STKLD1: variants seen among roughly 807,000 people sequenced by gnomAD.
The protein encoded by STKLD1 is serine/threonine kinase-like domain-containing protein STKLD1.
Under a neutral mutation model 80.4 loss-of-function variants are expected in STKLD1, and 79 were observed. The ratio of observed to expected loss-of-function variants is 0.98; its 90% CI spans 0.82 to 1.19. The LOEUF is 1.19. STKLD1 is among the 50% of genes most tolerant of loss of function. The pLI, the probability that STKLD1 is intolerant of heterozygous loss-of-function variation, is 0.00. For missense variants in STKLD1, 841 were observed against 856.0 expected (o/e 0.98, Z 0.22); for synonymous variants, 393 against 357.6 (o/e 1.10, Z -1.12).
chr9:133,380,335 G>A (rs1003999532), intron 2 of STKLD1, among the ~76,000 whole-genome samples: 7 of 150,092 alleles, frequency 4.7e-5, no homozygotes, highest in Non-Finnish European at 8.9e-5. Flanking sequence ...ATGAGCCACC[G>A]CGTCCGGCCT....
intron 16 of STKLD1, 99 bp downstream of exon 16, chr9:133,404,147 A>T: frequency 1.4e-6 from 2 of 1,401,952 alleles, no homozygotes; most frequent in South Asian, 3.0e-5. Context: ...AAAAAACAGA[A>T]GCAACAAATC....
intron 16 of STKLD1, among the ~76,000 whole-genome samples, chr9:133,404,329 G>GT (rs1838786033): frequency 6.6e-6 from 1 of 152,078 alleles, no homozygotes; most frequent in Admixed American, 6.6e-5. Flanking sequence ...CAGGCACACC[G>GT]TGACTGATCA....
intron 14 of STKLD1, 87 bp from the exon 15 acceptor site, chr9:133,403,613 G>A: frequency 1.3e-6 from 2 of 1,513,488 alleles, no homozygotes; most frequent in Non-Finnish European, 1.8e-6. Flanking sequence ...TCGTTAGCTG[G>A]AGGAAGGCAG....
rs367622176 is a variant in STKLD1 at position 133,397,167 on chromosome 9, C to T, written c.870C>T (p.Asp290=). The T allele has an allele frequency of 1.4e-5, 23 of 1,613,806 alleles. No homozygotes were observed. Among genetic ancestry groups the T allele is most frequent in the Middle Eastern group, 3.3e-4 (2 of 6,076 alleles). The change falls in exon 10 of 18, where the codon GAC becomes GAT. Residue 290 remains aspartate, a synonymous_variant. Coordinates refer to ENST00000371957, the MANE Select transcript of STKLD1 (RefSeq NM_153710.5). ...IDPSDRITIK[D]VVHITFLRGS... is the part of the protein sequence containing the mutation. ...GCCCTCTCTGCTCCTCTGCTAGGGA[C>T]GTGGTGCACATCACCTTCTTGAGAG...
Position 133,394,256 on chromosome 9 carries a change from A to G in STKLD1, c.584-35A>G. 1 of 1,453,860 alleles carries G rather than the reference A, an allele frequency of 6.9e-7. No individual in the cohort carries two copies. The highest frequency in any genetic ancestry group is 2.3e-5 in the East Asian group (1 of 44,142). 90.1% of individuals were successfully genotyped at this position (1,453,860 alleles called of 1,614,324 possible). A position where few individuals can be genotyped will look rare whatever the true frequency, so the allele number is the denominator to read the frequency against. ...TCAAGCCCCTGCCCCCAGGGAGCAA[A>G]GGACTCAGGGATCCCACCTTGCTTT... On this transcript the variant is annotated intron_variant, in intron 7 of 17. Transcript: ENST00000371957. The surrounding 1 kb of genome is among the most constrained non-coding windows in gnomAD (Gnocchi z 4.9).
At chr9:133,381,191 T>A (rs1588735905) in intron 2 of STKLD1, among the ~76,000 whole-genome samples, 1 of 134,192 alleles carries the variant, frequency 7.5e-6, no homozygotes, top group Admixed American at 8.7e-5. Context: ...CAGGCTGGAG[T>A]ACAGTGGTGT....
In STKLD1 at chr9:133,394,649, G is replaced by A. The variant is rs997657393; in HGVS notation, c.702+240G>A. 1.1e-4 allele frequency: 56 copies of A among 506,096 alleles called. No homozygotes were observed. The highest frequency in any genetic ancestry group is 3.2e-5 in the Non-Finnish European group (9 of 280,168). The allele number at this position is 506,096 out of a possible 1,614,324, so 31.4% of individuals were successfully genotyped here. A position where few individuals can be genotyped will look rare whatever the true frequency, so the allele number is the denominator to read the frequency against. On this transcript the variant is annotated intron_variant, in intron 8 of 17. Coordinates refer to ENST00000371957, the MANE Select transcript of STKLD1 (RefSeq NM_153710.5). This position sits in a 1 kb window ranked among gnomAD's most constrained non-coding sequence, Gnocchi z 4.9. ...AGTGGTAATATTCAGACCATCCCAC[G>A]CGACCCTCGCAGCAGCCCTCCAGGT...
chr9:133,380,624 G>A (rs143581395), intron 2 of STKLD1, among the ~76,000 whole-genome samples: 2,070 of 152,212 alleles, frequency 0.014, 62 homozygotes, highest in African/African-American at 0.047. Context: ...CTGCACTCCA[G>A]CCTGGGTGAC....
chr9:133,401,725 C>A lies in STKLD1; in HGVS notation c.1199-13C>A. On this transcript the variant is annotated splice_polypyrimidine_tract_variant and intron_variant, in intron 12 of 17. Coordinates refer to ENST00000371957, the MANE Select transcript of STKLD1 (RefSeq NM_153710.5). ...TGGGGCTAACCCCAGGCGTCTTCCT[C>A]TGGCTTGAGCAGCGCTGGTGCACCA... 2 of 1,609,334 alleles carry A rather than the reference C, an allele frequency of 1.2e-6. No individual in the cohort carries two copies. The highest frequency in any genetic ancestry group is 1.7e-6 in the Non-Finnish European group (2 of 1,178,964).
At chr9:133,395,864 G>T in intron 9 of STKLD1, 101 bp downstream of exon 9, 2 of 1,222,252 alleles carry the variant, frequency 1.6e-6, no homozygotes, top group Non-Finnish European at 1.2e-6. Flanking sequence ...ACGCCTCAAA[G>T]AACTCCATCA....
rs1838835667 is a variant in STKLD1, at chr9:133,405,513, A to C, written c.*92A>C. On this transcript the variant is annotated 3_prime_UTR_variant, in exon 18 of 18. Coordinates refer to ENST00000371957, the MANE Select transcript of STKLD1 (RefSeq NM_153710.5). Reference sequence around the variant, plus strand: ...ATTATCCCATCTCTATGACTGGGCCAAAATCAATCTTAAACGGGAGGGGTA... The same window carrying C: ...ATTATCCCATCTCTATGACTGGGCCCAAATCAATCTTAAACGGGAGGGGTA... The C allele has an allele frequency of 3.8e-6, 5 of 1,323,972 alleles. No individual in the cohort carries two copies. The Admixed American group carries it at 1.2e-4, about 33-fold the overall frequency. The allele number at this position is 1,323,972 out of a possible 1,614,324, so 82.0% of individuals were successfully genotyped here. A position where few individuals can be genotyped will look rare whatever the true frequency, so the allele number is the denominator to read the frequency against.
intron 7 of STKLD1, among the ~76,000 whole-genome samples, chr9:133,392,535 GTGGA>G (rs1283316756): frequency 7.5e-5 from 11 of 147,014 alleles, no homozygotes; most frequent in Non-Finnish European, 1.6e-4. Context: ...GGGTGGGTGA[GTGGA>G]TGGATGGATG....
Position 133,401,815 on chromosome 9 carries a change from C to T in STKLD1, c.1276C>T (p.His426Tyr). The change falls in exon 13 of 18, where the codon CAC becomes TAC. Residue 426 changes from histidine to tyrosine, a missense_variant. By Grantham distance (83) the His-to-Tyr change is moderately conservative. Coordinates refer to ENST00000371957, the MANE Select transcript of STKLD1 (RefSeq NM_153710.5). ...TSTLLSALQS[H>Y]PEEEPLLVMV... ...CACCCTGCTGAGTGCTCTTCAGAGC[C>T]ACCCCGAGGAGGAGCCACTTCTTGT... 6.2e-7 allele frequency: 1 copy of T among 1,613,718 alleles called. No individual in the cohort carries two copies. Among genetic ancestry groups the T allele is most frequent in the East Asian group, 2.2e-5 (1 of 44,872 alleles).
In STKLD1 at chr9:133,401,735, C is replaced by T. The variant is rs1482573096; in HGVS notation, c.1199-3C>T. On this transcript the variant is annotated splice_region_variant and splice_polypyrimidine_tract_variant and intron_variant, in intron 12 of 17. Transcript: ENST00000371957. Reference sequence around the variant, plus strand: ...CCCAGGCGTCTTCCTCTGGCTTGAGCAGCGCTGGTGCACCACCCGGAAGCC... The same window carrying T: ...CCCAGGCGTCTTCCTCTGGCTTGAGTAGCGCTGGTGCACCACCCGGAAGCC... The T allele has an allele frequency of 1.2e-6, 2 of 1,610,736 alleles. No homozygotes were observed. Among genetic ancestry groups the T allele is most frequent in the Non-Finnish European group, 1.7e-6 (2 of 1,179,410 alleles).
chr9:133,403,649 T>G (rs1554778105), intron 14 of STKLD1, 51 bp from the exon 15 acceptor site: 1 of 1,587,952 alleles, frequency 6.3e-7, no homozygotes, highest in Middle Eastern at 1.7e-4. Context: ...AAGGCCCCCC[T>G]GCACACACCC....
At chr9:133,400,561 G>A (rs782542376) in intron 12 of STKLD1, 32 bp downstream of exon 12, 1 of 1,553,776 alleles carries the variant, frequency 6.4e-7, no homozygotes, top group Non-Finnish European at 8.8e-7. Context: ...ATGGGGTCGG[G>A]GAGGCTGTGC....
intron 12 of STKLD1, among the ~76,000 whole-genome samples, 156 bp downstream of exon 12, chr9:133,400,685 A>C (rs1226939941): frequency 6.6e-6 from 1 of 152,210 alleles, no homozygotes; most frequent in Non-Finnish European, 1.5e-5. Context: ...TTCTAGGCCA[A>C]GGTGGATGCC....
At position 133,394,615 on chromosome 9, in the gene STKLD1, A is replaced by G. The variant is rs1554776450; in HGVS notation, c.702+206A>G. ...AGCACCTGCTGGGCTCTAGCAGGATAATGACAGCAGTGGTAATATTCAGAC... is the reference window on the plus strand; with the variant it reads ...AGCACCTGCTGGGCTCTAGCAGGATGATGACAGCAGTGGTAATATTCAGAC... On this transcript the variant is annotated intron_variant, in intron 8 of 17. Coordinates refer to ENST00000371957, the MANE Select transcript of STKLD1 (RefSeq NM_153710.5). The surrounding 1 kb of genome is among the most constrained non-coding windows in gnomAD (Gnocchi z 4.9). Among the ~76,000 whole-genome samples the G allele has an allele frequency of 1.3e-5, 2 of 152,160 alleles. No individual in the cohort carries two copies. Among genetic ancestry groups the G allele is most frequent in the East Asian group, 3.9e-4 (2 of 5,190 alleles).
rs1299151013 is a variant in STKLD1, at chr9:133,384,756, C to T, written c.219+856C>T. 1 of 152,090 alleles carries T rather than the reference C, an allele frequency of 6.6e-6. No homozygotes were observed. The highest frequency in any genetic ancestry group is 1.5e-5 in the Non-Finnish European group (1 of 68,002). The allele number at this position is 152,090 out of a possible 1,614,324, so 9.4% of individuals were successfully genotyped here. On this transcript the variant is annotated intron_variant, in intron 3 of 17. Transcript: ENST00000371957. The surrounding 1 kb of genome is among the most constrained non-coding windows in gnomAD (Gnocchi z 4.3). ...CAAATATAAATTACCCTTAATTCTA[C>T]CATTGAGAGCTGCCCAGCAGTAACA...
Sources: allele counts gnomAD v4.1 joint callset (sites outside exome capture counted in the v4.1 genomes callset), GRCh38; gene constraint gnomAD v4.1.1; non-coding constraint Gnocchi (gnomAD v3.1); transcripts MANE v1.5; gene names NCBI Gene and HGNC (gene_info 2026-07-23, HGNC 2026-07-21).